Variants in DGKB observed in about 807,000 individuals in gnomAD.
DGKB encodes 90 kDa diacylglycerol kinase.
Under a neutral mutation model 114.3 loss-of-function variants are expected in DGKB, and 67 were observed. The ratio of observed to expected loss-of-function variants is 0.59; its 90% CI spans 0.48 to 0.72. DGKB has a LOEUF of 0.72. Among genes scored for constraint, DGKB ranks in the 30% least tolerant of loss-of-function variants. The pLI is 0.00. For synonymous variants in DGKB, 398 were observed against 323.1 expected, an observed-to-expected ratio of 1.23 and a Z score of -2.49; for missense variants, 907 against 975.2, an observed-to-expected ratio of 0.93 and a Z score of 0.93.
At chr7:14,460,941 G>C (rs973191020) in intron 21 of DGKB, among the ~76,000 whole-genome samples, 2 of 151,800 alleles carry the variant, frequency 1.3e-5, no homozygotes, top group African/African-American at 4.9e-5. Flanking sequence ...TCATGATTAA[G>C]AAACTCACCC....
intron 4 of DGKB, among the ~76,000 whole-genome samples, chr7:14,739,599 G>C (rs1420897363): frequency 2.6e-5 from 4 of 152,124 alleles, no homozygotes; most frequent in Non-Finnish European, 4.4e-5. Flanking sequence ...GCTGAATTAA[G>C]AAGCAAAAAT....
At chr7:14,951,565 T>A (rs1453023018) in intron 1 of DGKB, among the ~76,000 whole-genome samples, 1 of 152,012 alleles carries the variant, frequency 6.6e-6, no homozygotes, top group Non-Finnish European at 1.5e-5. Flanking sequence ...AATTATTCTA[T>A]ATAATACAAT....
chr7:14,718,502 C>T (rs950795497), intron 6 of DGKB, 40 bp downstream of exon 6: 2 of 1,569,220 alleles, frequency 1.3e-6, no homozygotes, highest in Non-Finnish European at 8.6e-7. Context: ...TTTCTCCTGC[C>T]CCCAATCACG....
intron 9 of DGKB, among the ~76,000 whole-genome samples, chr7:14,686,881 T>C (rs1169053061): frequency 6.6e-6 from 1 of 152,078 alleles, no homozygotes; most frequent in Non-Finnish European, 1.5e-5. Flanking sequence ...TAAGACTATC[T>C]TTTCAAAGAT....
intron 19 of DGKB, among the ~76,000 whole-genome samples, chr7:14,577,822 G>C (rs760774511): frequency 6.6e-6 from 1 of 152,110 alleles, no homozygotes; most frequent in Non-Finnish European, 1.5e-5. Flanking sequence ...TAAAAAAGAG[G>C]CTTCAAGTCA....
rs558723555 is a variant in DGKB, at chr7:14,647,196, C to T, written c.1135-16928G>A. Among the ~76,000 whole-genome samples, 3 of 152,168 alleles carry T rather than the reference C, an allele frequency of 2.0e-5. No individual in the cohort carries two copies. In the South Asian group the frequency reaches 6.2e-4, roughly 32 times the overall value. On this transcript the variant is annotated intron_variant, in intron 13 of 25. Coordinates refer to ENST00000402815, the MANE Select transcript of DGKB (RefSeq NM_001350709.2). ...TTATGAACAACTATACACTACCACACTGGGTAATCTAGAGGAAACATATAA... is the reference window on the plus strand; with the variant it reads ...TTATGAACAACTATACACTACCACATTGGGTAATCTAGAGGAAACATATAA...
intron 20 of DGKB, among the ~76,000 whole-genome samples, chr7:14,506,827 C>T (rs1162310218): frequency 2.0e-5 from 3 of 152,172 alleles, no homozygotes; most frequent in African/African-American, 4.8e-5. Context: ...CTGTAATTTG[C>T]TGTCTTTTCC....
At position 14,170,145 on chromosome 7, in the gene DGKB, AAAAGAAAGAAAGAAAGAAAGAAAGAAAG is replaced by A. The variant is rs58897814; in HGVS notation, c.2304+6666_2304+6693del. ...GAGAAACTCCATCTCAAAAAAAAAA[AAAAGAAAGAAAGAAAGAAAGAAAGAAAG>A]AAAGAAAGAAAGAAAGAAAGAAAGA... On this transcript the variant is annotated intron_variant, in intron 25 of 25. Transcript: ENST00000402815. Among the ~76,000 whole-genome samples the A allele has an allele frequency of 5.2e-3, 518 of 100,006 alleles. 17 individuals carry two copies. In the East Asian group the frequency reaches 0.073, roughly 14 times the overall value. 65.6% of individuals were successfully genotyped at this position (100,006 alleles called of 152,430 possible).
At chr7:14,643,601 C>A (rs1812277617) in intron 13 of DGKB, among the ~76,000 whole-genome samples, 1 of 152,066 alleles carries the variant, frequency 6.6e-6, no homozygotes, top group Admixed American at 6.5e-5. Flanking sequence ...CATGTAGCTC[C>A]CTGTACTCCA....
intron 20 of DGKB, among the ~76,000 whole-genome samples, chr7:14,502,630 AG>A (rs1016930440): frequency 2.0e-5 from 3 of 152,112 alleles, no homozygotes; most frequent in African/African-American, 7.2e-5. Flanking sequence ...TCTTAAATGT[AG>A]TTGATAGAAA....
At chr7:14,280,689 G>C (rs1799803322) in intron 23 of DGKB, among the ~76,000 whole-genome samples, 1 of 150,924 alleles carries the variant, frequency 6.6e-6, no homozygotes, top group Non-Finnish European at 1.5e-5. Flanking sequence ...AGCCAGAAGA[G>C]AGTGGGGGCC....
intron 23 of DGKB, among the ~76,000 whole-genome samples, chr7:14,258,141 T>G (rs1325743280): frequency 6.6e-6 from 1 of 152,228 alleles, no homozygotes; most frequent in Non-Finnish European, 1.5e-5. Context: ...AAAAATTTCT[T>G]CTAACTGTGA....
chr7:14,812,511 C>G (rs781179591), intron 2 of DGKB, among the ~76,000 whole-genome samples: 16 of 152,052 alleles, frequency 1.1e-4, no homozygotes, highest in Non-Finnish European at 2.4e-4. Flanking sequence ...GTTCTGATTC[C>G]ACCATATTTT....
chr7:14,251,833 C>A (rs1262489368), intron 23 of DGKB, among the ~76,000 whole-genome samples: 1 of 152,070 alleles, frequency 6.6e-6, no homozygotes. Flanking sequence ...CATCTCCTTT[C>A]CTGGCCTGCA....
chr7:14,239,947 T>C (rs1246386745), intron 23 of DGKB, among the ~76,000 whole-genome samples: 4 of 152,102 alleles, frequency 2.6e-5, no homozygotes, highest in Non-Finnish European at 5.9e-5. Context: ...CTTAAAGGAA[T>C]ATACTTTAGG....
chr7:14,235,243 A>G (rs573198680), intron 23 of DGKB, among the ~76,000 whole-genome samples: 1 of 152,178 alleles, frequency 6.6e-6, no homozygotes, highest in East Asian at 1.9e-4. Context: ...ACTTTTATTT[A>G]ACTTGCATGT....
intron 20 of DGKB, among the ~76,000 whole-genome samples, chr7:14,480,121 G>C (rs1782768151): frequency 6.6e-6 from 1 of 151,844 alleles, no homozygotes; most frequent in African/African-American, 2.4e-5. Context: ...ATAGAGAAAG[G>C]GAGAGAGGCA....
chr7:14,446,523 G>A (rs911020903), intron 21 of DGKB, among the ~76,000 whole-genome samples: 1 of 151,968 alleles, frequency 6.6e-6, no homozygotes, highest in African/African-American at 2.4e-5. Flanking sequence ...ATCATTAATG[G>A]CAACTTAAAA....
chr7:14,648,904 GATGAA>G (rs1563788419), intron 13 of DGKB, among the ~76,000 whole-genome samples: 1 of 129,190 alleles, frequency 7.7e-6, no homozygotes, highest in Non-Finnish European at 1.6e-5. Context: ...AGCAATGGAA[GATGAA>G]ATGAATGAAA....
Sources: allele counts gnomAD v4.1 joint callset (sites outside exome capture counted in the v4.1 genomes callset), GRCh38; gene constraint gnomAD v4.1.1; transcripts MANE v1.5; gene names NCBI Gene and HGNC (gene_info 2026-07-23, HGNC 2026-07-21).